The following PLD5 variants were observed in gnomAD, a reference collection of about 807,000 sequenced individuals.
PLD5 encodes inactive phospholipase D5.
Under a neutral mutation model 61.1 loss-of-function variants are expected in PLD5, and 36 were observed. The observed-to-expected ratio is 0.59, with a 90% CI of 0.45 to 0.78. The LOEUF is 0.78. Ranked by LOEUF, PLD5 falls within the 30% of genes least tolerant of loss-of-function variation. The probability of loss-of-function intolerance (pLI) is 0.00; values close to 1 mark genes in which losing one functional copy is unlikely to be tolerated. For synonymous variants in PLD5, 243 were observed against 242.8 expected (o/e 1.00, Z -0.01); for missense variants, 515 against 644.4 (o/e 0.80, Z 2.17).
At chr1:242,237,078 T>C (rs1159254447) in intron 4 of PLD5, among the ~76,000 whole-genome samples, 1 of 152,214 alleles carries the variant, frequency 6.6e-6, no homozygotes, top group African/African-American at 2.4e-5. Context: ...GCATGTGTGA[T>C]TGTGTTTTAT....
At chr1:242,185,862 T>C (rs1040632474) in intron 5 of PLD5, among the ~76,000 whole-genome samples, 7 of 152,084 alleles carry the variant, frequency 4.6e-5, no homozygotes, top group Non-Finnish European at 1.0e-4. Context: ...CAGCTTGCGG[T>C]GTTGACAGTA....
chr1:242,525,722 C>T (rs1457574281), upstream of PLD5, among the ~76,000 whole-genome samples: 3 of 152,156 alleles, frequency 2.0e-5, no homozygotes, highest in African/African-American at 7.2e-5. Flanking sequence ...CTCTCTAGCC[C>T]TCGGCAGAAC....
chr1:242,457,788 T>C (rs1666989338), intron 1 of PLD5, among the ~76,000 whole-genome samples: 1 of 152,176 alleles, frequency 6.6e-6, no homozygotes, highest in Non-Finnish European at 1.5e-5. Context: ...GTTACACTGA[T>C]CCTTCTACCC....
intron 1 of PLD5, among the ~76,000 whole-genome samples, chr1:242,447,509 G>C (rs1011063789): frequency 6.6e-6 from 1 of 152,196 alleles, no homozygotes; most frequent in African/African-American, 2.4e-5. Context: ...GGTTGCCTAG[G>C]CAAAAGCTAG....
intron 1 of PLD5, chr1:242,376,920 G>T: frequency 6.3e-7 from 1 of 1,599,592 alleles, no homozygotes; most frequent in Middle Eastern, 2.3e-4. Context: ...GATCATCTGT[G>T]GCTATTTCTC....
intron 2 of PLD5, among the ~76,000 whole-genome samples, chr1:242,335,578 A>G (rs1326025312): frequency 6.6e-6 from 1 of 152,190 alleles, no homozygotes. Context: ...AAAAATAAGA[A>G]AGCATCTGCA....
intron 1 of PLD5, among the ~76,000 whole-genome samples, chr1:242,515,410 AC>A (rs1669073819): frequency 6.6e-6 from 1 of 152,182 alleles, no homozygotes; most frequent in African/African-American, 2.4e-5. Context: ...ATGAGGTTTC[AC>A]CATGTTGGTC....
Position 242,301,398 on chromosome 1 carries a change from C to A in PLD5, c.327-12868G>T, listed in dbSNP as rs1297538340. Among the ~76,000 whole-genome samples the A allele has an allele frequency of 2.0e-5, 3 of 152,240 alleles. No homozygotes were observed. In the East Asian group the frequency reaches 5.8e-4, roughly 29 times the overall value. ...CAGAATATGCCACCTGAAAATATGC[C>A]ACTTTGGCAAAAGGATTATTTTGAG... On this transcript the variant is annotated intron_variant, in intron 2 of 9. Coordinates refer to ENST00000536534, the MANE Select transcript of PLD5 (RefSeq NM_001372062.1).
At chr1:242,159,973 A>C (rs1481829415) in intron 5 of PLD5, among the ~76,000 whole-genome samples, 2 of 152,130 alleles carry the variant, frequency 1.3e-5, no homozygotes, top group Non-Finnish European at 2.9e-5. Flanking sequence ...TGCTTTTAGC[A>C]ATTCATTAAA....
At chr1:242,226,667 C>T (rs889935158) in intron 4 of PLD5, among the ~76,000 whole-genome samples, 1 of 152,168 alleles carries the variant, frequency 6.6e-6, no homozygotes, top group Admixed American at 6.5e-5. Flanking sequence ...ATGCGGCTAA[C>T]CTCCAGGTTT....
intron 1 of PLD5, among the ~76,000 whole-genome samples, chr1:242,403,608 G>A (rs1192223934): frequency 2.0e-5 from 3 of 152,042 alleles, no homozygotes; most frequent in Non-Finnish European, 4.4e-5. Flanking sequence ...GGGATTACAG[G>A]CATCCATCAC....
chr1:242,461,011 T>G (rs79717146), intron 1 of PLD5, among the ~76,000 whole-genome samples: 1 of 152,018 alleles, frequency 6.6e-6, no homozygotes, highest in African/African-American at 2.4e-5. Flanking sequence ...TGTGGTGGCA[T>G]GCACCTGTAG....
At position 242,285,369 on chromosome 1, in the gene PLD5, G is replaced by A. The variant is rs4123233; in HGVS notation, c.495+2993C>T. 1.3e-3 allele frequency among the ~76,000 whole-genome samples: 197 copies of A among 152,248 alleles called. 8 individuals carry two copies. The East Asian group carries it at 0.035, about 27-fold the overall frequency. ...AAAAATTAGCTTGGTGTGGTGGCAG[G>A]TGCCTGCAATCCCAGCTACTCAGGA... On this transcript the variant is annotated intron_variant, in intron 3 of 9. Coordinates refer to ENST00000536534, the MANE Select transcript of PLD5 (RefSeq NM_001372062.1).
intron 2 of PLD5, among the ~76,000 whole-genome samples, chr1:242,306,548 A>AC (rs1361299056): frequency 3.5e-5 from 5 of 143,232 alleles, no homozygotes; most frequent in Admixed American, 2.7e-4. Context: ...TGATATATAT[A>AC]TTTTTAACAT....
In PLD5 at chr1:242,103,234, C is replaced by T. The variant is rs149281487; in HGVS notation, c.1240-2452G>A. Among the ~76,000 whole-genome samples, 301 of 152,292 alleles carry T rather than the reference C, an allele frequency of 2.0e-3. 1 individual carries two copies. Among genetic ancestry groups the T allele is most frequent in the Non-Finnish European group, 3.5e-3 (237 of 68,028 alleles). ...AGAGTGCATGACTTCACTGGGCAGC[C>T]TCTTCACCCATGGTCACCCTTCCCC... On this transcript the variant is annotated intron_variant, in intron 8 of 9. Coordinates refer to ENST00000536534, the MANE Select transcript of PLD5 (RefSeq NM_001372062.1).
chr1:242,099,080 C>T (rs1035349461), intron 9 of PLD5, among the ~76,000 whole-genome samples: 5 of 152,100 alleles, frequency 3.3e-5, no homozygotes, highest in African/African-American at 1.2e-4. Flanking sequence ...CCACTCTCTT[C>T]AAAGCTGTCA....
intron 4 of PLD5, among the ~76,000 whole-genome samples, chr1:242,227,894 A>G (rs1161365143): frequency 1.3e-5 from 2 of 152,242 alleles, no homozygotes; most frequent in Non-Finnish European, 2.9e-5. Flanking sequence ...CTTGTTGAGT[A>G]GGAGTAGTTA....
intron 3 of PLD5, among the ~76,000 whole-genome samples, chr1:242,271,524 C>G (rs1574646432): frequency 6.6e-6 from 1 of 152,082 alleles, no homozygotes; most frequent in African/African-American, 2.4e-5. Context: ...GAAAATGAAT[C>G]AGATAGACTG....
At chr1:242,460,504 A>G (rs763392522) in intron 1 of PLD5, among the ~76,000 whole-genome samples, 1 of 152,304 alleles carries the variant, frequency 6.6e-6, no homozygotes, top group South Asian at 2.1e-4. Context: ...CCCATGTTCA[A>G]CACTCTAGGC....
Sources: allele counts gnomAD v4.1 joint callset (sites outside exome capture counted in the v4.1 genomes callset), GRCh38; gene constraint gnomAD v4.1.1; transcripts MANE v1.5; gene names NCBI Gene and HGNC (gene_info 2026-07-23, HGNC 2026-07-21).